Variants in IRF2 observed in about 807,000 individuals in gnomAD.
The protein encoded by IRF2 is interferon regulatory factor 2.
In IRF2, 15 loss-of-function variants were observed where a neutral mutation model predicts 40.6. That is an observed-to-expected ratio of 0.37 (90% CI 0.25 to 0.57). IRF2 has a LOEUF of 0.57. IRF2 is among the 20% of genes least tolerant of loss of function. The probability of loss-of-function intolerance (pLI) is 0.77; values close to 1 mark genes in which losing one functional copy is unlikely to be tolerated. For missense variants in IRF2, 317 were observed against 455.7 expected (o/e 0.70, Z 2.77); for synonymous variants, 151 against 165.5 (o/e 0.91, Z 0.67).
chr4:184,408,385 T>C lies in IRF2; in HGVS notation c.412-110A>G, dbSNP rs1736941385. The C allele has an allele frequency of 1.4e-6, 1 of 730,608 alleles. No homozygotes were observed. The highest frequency in any genetic ancestry group is 2.1e-5 in the Admixed American group (1 of 47,760). The allele number at this position is 730,608 out of a possible 1,614,324, so 45.3% of individuals were successfully genotyped here. A position where few individuals can be genotyped will look rare whatever the true frequency, so the allele number is the denominator to read the frequency against. On this transcript the variant is annotated intron_variant, in intron 5 of 8. Transcript: ENST00000393593. This position sits in a 1 kb window ranked among gnomAD's most constrained non-coding sequence, Gnocchi z 4.9. Reference sequence around the variant, plus strand: ...TCTTTAATGCTAGGGTCATTCATGTTCAGCTGCCGAATACATTCATCCCCT... The same window carrying C: ...TCTTTAATGCTAGGGTCATTCATGTCCAGCTGCCGAATACATTCATCCCCT...
At chr4:184,438,450 T>C (rs1738168037) in intron 1 of IRF2, among the ~76,000 whole-genome samples, 1 of 152,256 alleles carries the variant, frequency 6.6e-6, no homozygotes, top group Non-Finnish European at 1.5e-5. Flanking sequence ...AGCATTGTTT[T>C]ATGAAACGTT....
intron 7 of IRF2, among the ~76,000 whole-genome samples, chr4:184,396,249 G>A (rs952826648): frequency 1.3e-5 from 2 of 152,044 alleles, no homozygotes; most frequent in African/African-American, 2.4e-5. Context: ...ATGAGATCAC[G>A]GGATGTGGCT....
At chr4:184,411,870 C>G (rs1287504200) in intron 5 of IRF2, among the ~76,000 whole-genome samples, 1 of 151,988 alleles carries the variant, frequency 6.6e-6, no homozygotes, top group Non-Finnish European at 1.5e-5. Flanking sequence ...GCACCATAAC[C>G]TGGCCCGGTT....
At chr4:184,395,885 G>A (rs1736437376) in intron 7 of IRF2, among the ~76,000 whole-genome samples, 2 of 152,232 alleles carry the variant, frequency 1.3e-5, no homozygotes, top group African/African-American at 4.8e-5. Flanking sequence ...TCTCTGCATG[G>A]ATCTGCTGTT....
intron 4 of IRF2, 107 bp from the exon 5 acceptor site, chr4:184,418,320 A>C: frequency 2.9e-6 from 3 of 1,040,152 alleles, no homozygotes; most frequent in Non-Finnish European, 4.5e-6. Context: ...CTGTTGCTTT[A>C]ATCTGTACAT....
intron 1 of IRF2, among the ~76,000 whole-genome samples, chr4:184,461,819 T>C (rs2149917535): frequency 6.6e-6 from 1 of 152,200 alleles, no homozygotes; most frequent in Non-Finnish European, 1.5e-5. Flanking sequence ...CAATTCACCC[T>C]GACTTCACCA....
chr4:184,422,869 C>G (rs1579839298), intron 2 of IRF2, among the ~76,000 whole-genome samples: 1 of 152,262 alleles, frequency 6.6e-6, no homozygotes, highest in African/African-American at 2.4e-5. Flanking sequence ...ATAAAAAGTT[C>G]TGGAACTGGA....
At chr4:184,427,424 G>C (rs965948407) in intron 2 of IRF2, among the ~76,000 whole-genome samples, 2 of 152,236 alleles carry the variant, frequency 1.3e-5, no homozygotes, top group African/African-American at 2.4e-5. Flanking sequence ...GGAAGGCCAA[G>C]GCGGGCAGCA....
At chr4:184,428,731 C>A in intron 2 of IRF2, 1 of 538,546 alleles carries the variant, frequency 1.9e-6, no homozygotes, top group Non-Finnish European at 3.6e-6. Context: ...CCCAAGAGGT[C>A]GAGGCTGCAG....
chr4:184,460,271 C>A (rs531635827), intron 1 of IRF2, among the ~76,000 whole-genome samples: 1 of 152,154 alleles, frequency 6.6e-6, no homozygotes, highest in Non-Finnish European at 1.5e-5. Flanking sequence ...TGAGACATCT[C>A]GAGTGGTCAG....
At chr4:184,423,444 T>C (rs955756102) in intron 2 of IRF2, among the ~76,000 whole-genome samples, 2 of 152,098 alleles carry the variant, frequency 1.3e-5, no homozygotes, top group Non-Finnish European at 2.9e-5. Flanking sequence ...TGCCTCTTCT[T>C]CCCCCCAACA....
intron 1 of IRF2, among the ~76,000 whole-genome samples, chr4:184,460,641 GCACA>G (rs767144163): frequency 9.8e-5 from 14 of 142,412 alleles, no homozygotes; most frequent in East Asian, 2.1e-4. Flanking sequence ...ACGCATGCAC[GCACA>G]CACACACACA....
At position 184,427,111 on chromosome 4, in the gene IRF2, C is replaced by T. The variant is rs549138440; in HGVS notation, c.87+1867G>A. On this transcript the variant is annotated intron_variant, in intron 2 of 8. Transcript: ENST00000393593. ...TGGTCCCCCCTTCCTTATACCTCCACGGCACCCCTGCTAACTGAGCTGACC... is the reference window on the plus strand; with the variant it reads ...TGGTCCCCCCTTCCTTATACCTCCATGGCACCCCTGCTAACTGAGCTGACC... Among the ~76,000 whole-genome samples the T allele has an allele frequency of 1.1e-3, 175 of 152,338 alleles. No individual in the cohort carries two copies. The Middle Eastern group carries it at 0.014, about 12-fold the overall frequency.
intron 1 of IRF2, among the ~76,000 whole-genome samples, chr4:184,439,875 G>T (rs907477191): frequency 6.6e-6 from 1 of 152,166 alleles, no homozygotes; most frequent in African/African-American, 2.4e-5. Context: ...TCTATCACTG[G>T]TTCTTGGTTC....
chr4:184,406,073 G>T (rs1736842580), intron 6 of IRF2, among the ~76,000 whole-genome samples: 1 of 152,102 alleles, frequency 6.6e-6, no homozygotes, highest in Non-Finnish European at 1.5e-5. Flanking sequence ...GAGCATTCTA[G>T]GGGTGTGGAT....
chr4:184,400,301 T>G (rs1333406349), intron 6 of IRF2, among the ~76,000 whole-genome samples: 3 of 152,260 alleles, frequency 2.0e-5, no homozygotes, highest in African/African-American at 7.2e-5. Flanking sequence ...GGATGTTATA[T>G]TAATGGACTC....
intron 1 of IRF2, among the ~76,000 whole-genome samples, chr4:184,465,996 AC>A (rs1739302947): frequency 6.6e-6 from 1 of 150,654 alleles, no homozygotes. Flanking sequence ...CCACTCAGTG[AC>A]CCACACTACC....
At chr4:184,424,021 A>G (rs780540574) in intron 2 of IRF2, among the ~76,000 whole-genome samples, 2 of 152,078 alleles carry the variant, frequency 1.3e-5, no homozygotes, top group South Asian at 2.1e-4. Context: ...CTTACAATGT[A>G]TGCTGTCAGG....
chr4:184,395,138 G>A (rs1013236271), intron 7 of IRF2, among the ~76,000 whole-genome samples: 7 of 151,942 alleles, frequency 4.6e-5, no homozygotes, highest in South Asian at 2.1e-4. Context: ...CATGCCGGGC[G>A]CGGTGGCTCA....
Sources: allele counts gnomAD v4.1 joint callset (sites outside exome capture counted in the v4.1 genomes callset), GRCh38; gene constraint gnomAD v4.1.1; non-coding constraint Gnocchi (gnomAD v3.1); transcripts MANE v1.5; gene names NCBI Gene and HGNC (gene_info 2026-07-23, HGNC 2026-07-21).